BRINP1: variants seen among roughly 807,000 people sequenced by gnomAD.
The protein encoded by BRINP1 is BMP/retinoic acid-inducible neural-specific protein 1.
A neutral mutation model predicts 72.9 loss-of-function variants in BRINP1; 17 were observed. The observed-to-expected ratio is 0.23, with a 90% CI of 0.16 to 0.35. The LOEUF (loss-of-function observed/expected upper bound fraction) is 0.35, where lower values mean the gene tolerates loss of function less well. Among genes scored for constraint, BRINP1 ranks in the 10% least tolerant of loss-of-function variants. BRINP1 has a pLI of 1.00. For missense variants in BRINP1, 850 were observed against 1,001.6 expected (o/e 0.85, Z 2.04); for synonymous variants, 418 against 378.5 (o/e 1.10, Z -1.21).
rs189526909 is a variant in BRINP1, at chr9:119,345,914, A to T, written c.-51+23142T>A. On this transcript the variant is annotated intron_variant, in intron 1 of 7. Transcript: ENST00000265922. ...TTTTTTAATCACACCTACTTTACAG[A>T]CAGGGTAAATGAGGCACTATATTGC... Among the ~76,000 whole-genome samples the T allele has an allele frequency of 9.5e-4, 144 of 152,206 alleles. 1 individual carries two copies. The highest frequency in any genetic ancestry group is 1.7e-3 in the Non-Finnish European group (114 of 68,014).
chr9:119,231,996 T>A (rs1830152569), intron 5 of BRINP1, among the ~76,000 whole-genome samples: 2 of 152,284 alleles, frequency 1.3e-5, no homozygotes, highest in Admixed American at 1.3e-4. Context: ...ACTCAACATC[T>A]ACATTTGGAT....
chr9:119,243,733 T>C (rs1352706551), intron 3 of BRINP1, among the ~76,000 whole-genome samples: 1 of 152,222 alleles, frequency 6.6e-6, no homozygotes, highest in Non-Finnish European at 1.5e-5. Flanking sequence ...CTCCTTTTTG[T>C]CTTTTTCAGT....
intron 2 of BRINP1, among the ~76,000 whole-genome samples, chr9:119,265,079 T>A (rs1209776852): frequency 1.3e-5 from 2 of 152,180 alleles, no homozygotes; most frequent in Non-Finnish European, 2.9e-5. Context: ...TTCCAAGTTA[T>A]CTTACCCACA....
At chr9:119,301,485 A>G (rs1830938261) in intron 2 of BRINP1, among the ~76,000 whole-genome samples, 1 of 152,194 alleles carries the variant, frequency 6.6e-6, no homozygotes. Context: ...GAACAAACAA[A>G]TTAGTGGTTG....
chr9:119,194,133 A>G (rs897972039), intron 7 of BRINP1, among the ~76,000 whole-genome samples: 2 of 152,296 alleles, frequency 1.3e-5, no homozygotes, highest in Non-Finnish European at 1.5e-5. Context: ...CTAAATACCA[A>G]TGAGTGATTG....
At chr9:119,264,796 A>G (rs1465597814) in intron 2 of BRINP1, among the ~76,000 whole-genome samples, 1 of 152,136 alleles carries the variant, frequency 6.6e-6, no homozygotes, top group African/African-American at 2.4e-5. Flanking sequence ...CAGCCTCCTG[A>G]GTAAATGGGA....
intron 1 of BRINP1, among the ~76,000 whole-genome samples, chr9:119,338,407 G>T (rs1831371234): frequency 6.6e-6 from 1 of 151,472 alleles, no homozygotes; most frequent in Non-Finnish European, 1.5e-5. Flanking sequence ...CTAACAATGT[G>T]CTGGGTACTT....
At chr9:119,184,952 G>C (rs1588157387) in intron 7 of BRINP1, among the ~76,000 whole-genome samples, 1 of 152,120 alleles carries the variant, frequency 6.6e-6, no homozygotes, top group East Asian at 1.9e-4. Flanking sequence ...AAAGACTTTT[G>C]CACACTGGCT....
At chr9:119,258,387 G>A (rs368657666) in intron 2 of BRINP1, among the ~76,000 whole-genome samples, 9 of 152,196 alleles carry the variant, frequency 5.9e-5, no homozygotes, top group African/African-American at 7.2e-5. Flanking sequence ...CTGAAGCACT[G>A]TTATCGAGGG....
intron 6 of BRINP1, among the ~76,000 whole-genome samples, chr9:119,209,720 A>G (rs1043600455): frequency 1.3e-5 from 2 of 152,372 alleles, no homozygotes; most frequent in South Asian, 2.1e-4. Context: ...TGCTAAAAAA[A>G]TCAAACCTCC....
Position 119,368,979 on chromosome 9 carries a change from G to C in BRINP1, c.-51+77C>G. 4 of 391,080 alleles carry C rather than the reference G, an allele frequency of 1.0e-5. No individual in the cohort carries two copies. Among genetic ancestry groups the C allele is most frequent in the Non-Finnish European group, 1.8e-5 (4 of 221,624 alleles). 24.2% of individuals were successfully genotyped at this position (391,080 alleles called of 1,614,324 possible). On this transcript the variant is annotated intron_variant, in intron 1 of 7. Coordinates refer to ENST00000265922, the MANE Select transcript of BRINP1 (RefSeq NM_014618.3). This position sits in a 1 kb window ranked among gnomAD's most constrained non-coding sequence, Gnocchi z 4.7. ...GTAGGGGGAGGGGCAGAGGAGCGCG[G>C]GGACGCCCCGAATGCGGCCCGGGGC...
chr9:119,245,775 A>G (rs1394739519), intron 3 of BRINP1, among the ~76,000 whole-genome samples: 2 of 152,206 alleles, frequency 1.3e-5, no homozygotes, highest in Admixed American at 1.3e-4. Context: ...AACTTACCTG[A>G]CATGTCGAAG....
chr9:119,256,656 T>C lies in BRINP1; in HGVS notation c.219-7506A>G, dbSNP rs1463009182. Among the ~76,000 whole-genome samples, 5 of 152,344 alleles carry C rather than the reference T, an allele frequency of 3.3e-5. No individual in the cohort carries two copies. In the South Asian group the frequency reaches 8.3e-4, roughly 25 times the overall value. On this transcript the variant is annotated intron_variant, in intron 2 of 7. Coordinates refer to ENST00000265922, the MANE Select transcript of BRINP1 (RefSeq NM_014618.3). Reference sequence around the variant, plus strand: ...CAATTATTTGTATAGGACACACTTATGATGTTTCTATTGCTTAAAAGGTTC... The same window carrying C: ...CAATTATTTGTATAGGACACACTTACGATGTTTCTATTGCTTAAAAGGTTC...
rs569731205 is a variant in BRINP1 at position 119,278,069 on chromosome 9, A to G, written c.219-28919T>C. 3.6e-4 allele frequency among the ~76,000 whole-genome samples: 55 copies of G among 152,196 alleles called. 1 individual carries two copies. Among genetic ancestry groups the G allele is most frequent in the African/African-American group, 1.3e-3 (55 of 41,536 alleles). The stretch of plus-strand genomic sequence containing the variant: ...TCTATACTGAATCAGTCTCTACCCT[A>G]TGTCTTTTCCCTACTGTTTTTCTTT... On this transcript the variant is annotated intron_variant, in intron 2 of 7. Transcript: ENST00000265922.
At chr9:119,334,988 G>T (rs908749778) in intron 1 of BRINP1, among the ~76,000 whole-genome samples, 22 of 152,244 alleles carry the variant, frequency 1.4e-4, no homozygotes, top group Admixed American at 1.4e-3. Context: ...TATACTGTGG[G>T]AGCTCAGCAG....
chr9:119,361,014 G>A (rs183792476), intron 1 of BRINP1, among the ~76,000 whole-genome samples: 32 of 152,244 alleles, frequency 2.1e-4, no homozygotes, highest in Admixed American at 1.6e-3. Context: ...ATACAACTCC[G>A]CACCCTGTGA....
intron 1 of BRINP1, among the ~76,000 whole-genome samples, chr9:119,337,948 T>A (rs1418006308): frequency 1.3e-5 from 2 of 152,180 alleles, no homozygotes; most frequent in Non-Finnish European, 2.9e-5. Context: ...GATGCCTGGG[T>A]TCTAATCCTG....
intron 7 of BRINP1, among the ~76,000 whole-genome samples, chr9:119,179,485 A>G (rs1287080073): frequency 6.6e-6 from 1 of 152,188 alleles, no homozygotes; most frequent in Non-Finnish European, 1.5e-5. Context: ...GAAGCAGGGA[A>G]ACTTCAAGAA....
chr9:119,211,796 G>C (rs1358973430), intron 6 of BRINP1, among the ~76,000 whole-genome samples: 1 of 152,220 alleles, frequency 6.6e-6, no homozygotes, highest in East Asian at 1.9e-4. Flanking sequence ...AAGCACAGGA[G>C]ATCTAGAGGG....
Sources: gnomAD v4.1 joint callset for allele counts (sites outside exome capture counted in the v4.1 genomes callset) on GRCh38, gnomAD v4.1.1 for gene constraint, Gnocchi (gnomAD v3.1) non-coding constraint, MANE v1.5 for transcripts, NCBI Gene and HGNC (gene_info 2026-07-23, HGNC 2026-07-21) for gene names.